FGF20: variants seen among roughly 807,000 people sequenced by gnomAD.
FGF20 encodes the protein fibroblast growth factor 20.
In FGF20, 8 loss-of-function variants were observed where a neutral mutation model predicts 16.7. The observed-to-expected ratio is 0.48, with a 90% CI of 0.28 to 0.87. The LOEUF is 0.87. FGF20 is among the 40% of genes least tolerant of loss of function. The pLI, the probability that FGF20 is intolerant of heterozygous loss-of-function variation, is 0.10. For synonymous variants in FGF20, 161 were observed against 118.6 expected, an observed-to-expected ratio of 1.36 and a Z score of -2.32; for missense variants, 397 against 281.4, an observed-to-expected ratio of 1.41 and a Z score of -2.94.
chr8:16,995,970 G>A (rs1049672790), intron 1 of FGF20, among the ~76,000 whole-genome samples: 25 of 152,184 alleles, frequency 1.6e-4, no homozygotes, highest in African/African-American at 5.3e-4. Flanking sequence ...TGTTCACCAT[G>A]GTGAGACAAT....
intron 2 of FGF20, 86 bp downstream of exon 2, chr8:16,995,568 AC>A (rs2150434667): frequency 1.9e-6 from 1 of 539,842 alleles, no homozygotes; most frequent in South Asian, 4.9e-5. Context: ...CTTCTACCAG[AC>A]ATTCTTGGTA....
At position 16,993,162 on chromosome 8, in the gene FGF20, CT is replaced by C; in HGVS notation, c.545del (p.Lys182ArgfsTer27). On this transcript the variant is annotated frameshift_variant, in exon 3 of 3. Coordinates refer to ENST00000180166, the MANE Select transcript of FGF20 (RefSeq NM_019851.3). LOFTEE classifies it high-confidence loss of function. ...AGAAATGTGTAAATTTCTGATGCCT[CT>C]TGGACCTGGCGCCATCTCTTGGAGT... ...DGTPRDGARS[K>X]RHQKFTHFLP... 1 of 1,614,060 alleles carries C rather than the reference CT, an allele frequency of 6.2e-7. No homozygotes were observed. The highest frequency in any genetic ancestry group is 1.1e-5 in the South Asian group (1 of 91,066).
At chr8:16,997,571 TAGG>T (rs1673331487) in intron 1 of FGF20, among the ~76,000 whole-genome samples, 1 of 152,126 alleles carries the variant, frequency 6.6e-6, no homozygotes, top group Admixed American at 6.5e-5. Flanking sequence ...TTCAAACTAT[TAGG>T]AGATCATGTA....
chr8:17,001,724 G>A (rs1810189032), intron 1 of FGF20, 23 bp downstream of exon 1: 3 of 1,558,642 alleles, frequency 1.9e-6, no homozygotes, highest in East Asian at 2.6e-5. Context: ...AGATGGGGGT[G>A]GGGTCGGGAT....
rs1810207093 is a variant in FGF20, at chr8:17,002,250, G to A, written c.-218C>T. The stretch of plus-strand genomic sequence containing the variant: ...CTCCTTGGGTAGGTGGGAGCCGGCT[G>A]CTGGCTCTGCAGAAATATCTATAGC... On this transcript the variant is annotated 5_prime_UTR_variant, in exon 1 of 3. Transcript: ENST00000180166. 4.2e-6 allele frequency: 2 copies of A among 475,700 alleles called. No individual in the cohort carries two copies. The highest frequency in any genetic ancestry group is 2.1e-5 in the African/African-American group (1 of 48,538). 29.5% of individuals were successfully genotyped at this position (475,700 alleles called of 1,614,324 possible).
chr8:17,001,272 G>A (rs17514943), intron 1 of FGF20, among the ~76,000 whole-genome samples: 35,798 of 152,132 alleles, frequency 0.24, 5,777 homozygotes, highest in East Asian at 0.47. Flanking sequence ...CATGTTTAAA[G>A]AAGCCCGGCG....
chr8:16,998,092 A>G (rs1261062066), intron 1 of FGF20, among the ~76,000 whole-genome samples: 1 of 152,214 alleles, frequency 6.6e-6, no homozygotes, highest in African/African-American at 2.4e-5. Context: ...AGCTAATTAT[A>G]TAACAAATCT....
chr8:17,001,718 G>A lies in FGF20; in HGVS notation c.286+29C>T, dbSNP rs368157058. On this transcript the variant is annotated intron_variant, in intron 1 of 2. Coordinates refer to ENST00000180166, the MANE Select transcript of FGF20 (RefSeq NM_019851.3). ...CGAGGAGCCGAGCTGGGGCGCAGAT[G>A]GGGGTGGGGTCGGGATGCTAGTACG... The A allele has an allele frequency of 7.7e-6, 12 of 1,553,262 alleles. No homozygotes were observed. The African/African-American group carries it at 9.9e-5, about 13-fold the overall frequency.
chr8:17,001,772 G>A lies in FGF20; in HGVS notation c.261C>T (p.Gly87=), dbSNP rs1443350894. The A allele has an allele frequency of 1.3e-6, 2 of 1,575,954 alleles. No individual in the cohort carries two copies. The highest frequency in any genetic ancestry group is 2.8e-5 in the African/African-American group (2 of 71,496). Residue 87 remains glycine (G), a synonymous_variant, in exon 1 of 3, where the codon GGC becomes GGT. Transcript: ENST00000180166. ...LQILPDGSVQ[G]TRQDHSLFGI... Reference sequence around the variant, plus strand: ...CGAAGAGGCTGTGGTCCTGCCGGGTGCCCTGCACGCTGCCGTCGGGCAGGA... The same window carrying A: ...CGAAGAGGCTGTGGTCCTGCCGGGTACCCTGCACGCTGCCGTCGGGCAGGA...
At position 17,001,731 on chromosome 8, in the gene FGF20, G is replaced by T; in HGVS notation, c.286+16C>A. 1 of 1,569,438 alleles carries T rather than the reference G, an allele frequency of 6.4e-7. No individual in the cohort carries two copies. On this transcript the variant is annotated intron_variant, in intron 1 of 2. Coordinates refer to ENST00000180166, the MANE Select transcript of FGF20 (RefSeq NM_019851.3). Reference sequence around the variant, plus strand: ...TGGGGCGCAGATGGGGGTGGGGTCGGGATGCTAGTACGTACCGAAGAGGCT... The same window carrying T: ...TGGGGCGCAGATGGGGGTGGGGTCGTGATGCTAGTACGTACCGAAGAGGCT...
At chr8:16,995,873 G>A (rs1810031227) in intron 1 of FGF20, 115 bp from the exon 2 acceptor site, 1 of 562,246 alleles carries the variant, frequency 1.8e-6, no homozygotes, top group Admixed American at 3.2e-5. Flanking sequence ...CAAATATAAT[G>A]ATGTACGTGT....
chr8:17,001,613 G>A (rs529606023), intron 1 of FGF20, 134 bp downstream of exon 1: 2 of 1,012,690 alleles, frequency 2.0e-6, no homozygotes, highest in Admixed American at 4.1e-5. Context: ...GTCTTGCACC[G>A]GATGGGTCCA....
At chr8:16,993,766 G>C (rs1230387241) in intron 2 of FGF20, among the ~76,000 whole-genome samples, 1 of 152,170 alleles carries the variant, frequency 6.6e-6, no homozygotes, top group East Asian at 1.9e-4. Context: ...GGGGTGAACG[G>C]ATGCAGTGAC....
chr8:16,992,768 C>A lies in FGF20; in HGVS notation c.*304G>T, dbSNP rs2150433350. The stretch of plus-strand genomic sequence containing the variant: ...AACATAATCCAGAGAGGTGAGGCAC[C>A]AGCAGCAACCATGTGAGGGTTCCCA... On this transcript the variant is annotated 3_prime_UTR_variant, in exon 3 of 3. Transcript: ENST00000180166. 4.3e-6 allele frequency: 1 copy of A among 230,558 alleles called. No individual in the cohort carries two copies. The allele number at this position is 230,558 out of a possible 1,614,324, so 14.3% of individuals were successfully genotyped here. A position where few individuals can be genotyped will look rare whatever the true frequency, so the allele number is the denominator to read the frequency against.
intron 2 of FGF20, among the ~76,000 whole-genome samples, chr8:16,994,180 T>G (rs1434848485): frequency 6.6e-6 from 1 of 152,202 alleles, no homozygotes; most frequent in African/African-American, 2.4e-5. Context: ...ACCTGTAGTT[T>G]ATCTTTTTCC....
intron 2 of FGF20, among the ~76,000 whole-genome samples, chr8:16,995,190 G>C (rs1373989359): frequency 6.6e-6 from 1 of 152,184 alleles, no homozygotes; most frequent in East Asian, 1.9e-4. Context: ...ATCTTCTCCT[G>C]TTACTTGCAG....
intron 1 of FGF20, among the ~76,000 whole-genome samples, 175 bp from the exon 2 acceptor site, chr8:16,995,933 T>A (rs919497436): frequency 2.6e-5 from 4 of 152,122 alleles, no homozygotes; most frequent in Non-Finnish European, 5.9e-5. Flanking sequence ...TTATGACAGA[T>A]GAAAAAAGGA....
chr8:16,994,985 CA>C lies in FGF20; in HGVS notation c.390+669del, dbSNP rs17515191. Among the ~76,000 whole-genome samples, 6 of 150,918 alleles carry C rather than the reference CA, an allele frequency of 4.0e-5. No individual in the cohort carries two copies. In the South Asian group the frequency reaches 8.4e-4, roughly 21 times the overall value. On this transcript the variant is annotated intron_variant, in intron 2 of 2. Coordinates refer to ENST00000180166, the MANE Select transcript of FGF20 (RefSeq NM_019851.3). ...TGCTATTGCAGATTTGTTCTAAAAA[CA>C]AAAAAAAACTTAAACTGATGAAATA...
At chr8:16,997,763 TC>T (rs1810089235) in intron 1 of FGF20, among the ~76,000 whole-genome samples, 1 of 151,872 alleles carries the variant, frequency 6.6e-6, no homozygotes, top group African/African-American at 2.4e-5. Context: ...TGAAGGAAAA[TC>T]AAACTCACTG....
Sources: gnomAD v4.1 joint callset for allele counts (sites outside exome capture counted in the v4.1 genomes callset) on GRCh38, gnomAD v4.1.1 for gene constraint, MANE v1.5 for transcripts, NCBI Gene and HGNC (gene_info 2026-07-23, HGNC 2026-07-21) for gene names.